The following CELF5 variants were observed in gnomAD, a reference collection of about 807,000 sequenced individuals.
CELF5 encodes CUG-BP and ETR-3 like factor 5.
Under a neutral mutation model 54.9 loss-of-function variants are expected in CELF5, and 6 were observed. The observed-to-expected ratio is 0.11, with a 90% confidence interval of 0.06 to 0.22. CELF5 has a LOEUF of 0.22. Among genes scored for constraint, CELF5 ranks in the 10% least tolerant of loss-of-function variants. The probability of loss-of-function intolerance (pLI) is 1.00; values close to 1 mark genes in which losing one functional copy is unlikely to be tolerated. For missense variants in CELF5, 401 were observed against 678.6 expected (o/e 0.59, Z 4.54); for synonymous variants, 271 against 290.9 (o/e 0.93, Z 0.70).
At chr19:3,293,573 T>G in intron 12 of CELF5, 87 bp downstream of exon 12, 4 of 1,088,598 alleles carry the variant, frequency 3.7e-6, no homozygotes, top group South Asian at 1.6e-5. Flanking sequence ...CTCCAAACCC[T>G]CCCCAGGTGG....
At chr19:3,235,789 AATGG>A (rs1278030051) in intron 1 of CELF5, among the ~76,000 whole-genome samples, 24 of 50,742 alleles carry the variant, frequency 4.7e-4, no homozygotes, top group East Asian at 1.8e-3. Flanking sequence ...TGGATGGATG[AATGG>A]ATGGATGGAT....
intron 10 of CELF5, among the ~76,000 whole-genome samples, chr19:3,287,091 CAA>C: frequency 6.6e-6 from 1 of 150,766 alleles, no homozygotes; most frequent in East Asian, 1.9e-4. Flanking sequence ...GGTAACAACC[CAA>C]GTGTTCATCA....
chr19:3,289,278 A>T (rs1048378707), intron 10 of CELF5, among the ~76,000 whole-genome samples: 1 of 152,060 alleles, frequency 6.6e-6, no homozygotes, highest in Non-Finnish European at 1.5e-5. Flanking sequence ...TTTTTTGGCT[A>T]GACGCAGTGG....
chr19:3,255,438 C>T (rs1449597186), intron 2 of CELF5, among the ~76,000 whole-genome samples: 1 of 152,010 alleles, frequency 6.6e-6, no homozygotes. Flanking sequence ...CCTGCCTCGG[C>T]CTCCCAAAGT....
intron 2 of CELF5, among the ~76,000 whole-genome samples, chr19:3,269,561 A>C (rs1019984824): frequency 6.6e-6 from 1 of 151,284 alleles, no homozygotes; most frequent in Non-Finnish European, 1.5e-5. Context: ...ACTGCAAGAC[A>C]CTCCTCCTGC....
rs201841077 is a variant in CELF5 at position 3,269,342 on chromosome 19, A to AT, written c.343-4523dup. Among the ~76,000 whole-genome samples, 1,209 of 151,970 alleles carry AT rather than the reference A, an allele frequency of 8.0e-3. 16 individuals carry two copies. The highest frequency in any genetic ancestry group is 0.028 in the African/African-American group (1,160 of 41,436). ...AGGCGTGCACTACCGCACCTAGCTA[A>AT]TTTTTTTGTATTTTTAGTAGAGTCA... On this transcript the variant is annotated intron_variant, in intron 2 of 12. Coordinates refer to ENST00000292672, the MANE Select transcript of CELF5 (RefSeq NM_021938.4).
chr19:3,276,175 G>A (rs2080047865), intron 4 of CELF5, among the ~76,000 whole-genome samples, 191 bp downstream of exon 4: 2 of 129,012 alleles, frequency 1.6e-5, no homozygotes, highest in South Asian at 5.8e-4. Context: ...GGAGAGGGGC[G>A]GAATTGCAGG....
At chr19:3,254,553 TCATCCACC>T (rs956951324) in intron 2 of CELF5, among the ~76,000 whole-genome samples, 1 of 149,842 alleles carries the variant, frequency 6.7e-6, no homozygotes, top group Non-Finnish European at 1.5e-5. Context: ...TTCTATCCAT[TCATCCACC>T]CATCCACCCA....
At chr19:3,250,375 G>A (rs1310984035) in intron 1 of CELF5, among the ~76,000 whole-genome samples, 1 of 152,134 alleles carries the variant, frequency 6.6e-6, no homozygotes, top group Admixed American at 6.5e-5. Context: ...TGTAGTCCCA[G>A]CTACTCGGGA....
At chr19:3,250,217 G>C (rs112131259) in intron 1 of CELF5, among the ~76,000 whole-genome samples, 43 of 152,270 alleles carry the variant, frequency 2.8e-4, no homozygotes, top group African/African-American at 1.0e-3. Flanking sequence ...GGCCGGGTGC[G>C]GTGGCTCACG....
intron 2 of CELF5, among the ~76,000 whole-genome samples, chr19:3,271,160 G>T (rs1439801931): frequency 6.6e-6 from 1 of 151,820 alleles, no homozygotes. Context: ...GTGCTGGGAG[G>T]GGGGAGGAGG....
At position 3,281,168 on chromosome 19, in the gene CELF5, T is replaced by C; in HGVS notation, c.604-31T>C. 1.3e-6 allele frequency: 2 copies of C among 1,593,442 alleles called. No individual in the cohort carries two copies. Among genetic ancestry groups the C allele is most frequent in the Non-Finnish European group, 1.7e-6 (2 of 1,172,426 alleles). ...AGAGTCCTGGCTACCTCCCAGCCCGTTTCCCTCCCTGCTCGCCGCTGCCCC... is the reference window on the plus strand; with the variant it reads ...AGAGTCCTGGCTACCTCCCAGCCCGCTTCCCTCCCTGCTCGCCGCTGCCCC... On this transcript the variant is annotated intron_variant, in intron 5 of 12. Coordinates refer to ENST00000292672, the MANE Select transcript of CELF5 (RefSeq NM_021938.4). The surrounding 1 kb of genome is among the most constrained non-coding windows in gnomAD (Gnocchi z 6.5).
intron 1 of CELF5, among the ~76,000 whole-genome samples, chr19:3,244,529 G>T (rs111211863): frequency 6.7e-6 from 1 of 148,652 alleles, no homozygotes; most frequent in Non-Finnish European, 1.5e-5. Context: ...TCTTGTCTGC[G>T]TGTGTGTGTA....
chr19:3,240,089 A>G (rs563620332), intron 1 of CELF5, among the ~76,000 whole-genome samples: 1 of 151,882 alleles, frequency 6.6e-6, no homozygotes, highest in African/African-American at 2.4e-5. Flanking sequence ...GCTCACTGCA[A>G]ACTTTACCTC....
At chr19:3,255,096 C>T (rs541030904) in intron 2 of CELF5, among the ~76,000 whole-genome samples, 2 of 152,206 alleles carry the variant, frequency 1.3e-5, no homozygotes, top group South Asian at 2.1e-4. Context: ...ATCATCAGTT[C>T]TGTGACTGGT....
At chr19:3,271,520 A>T (rs1489762733) in intron 2 of CELF5, among the ~76,000 whole-genome samples, 2 of 152,078 alleles carry the variant, frequency 1.3e-5, no homozygotes, top group Non-Finnish European at 2.9e-5. Flanking sequence ...GGGGCACAGG[A>T]TCAGGGAGGC....
At chr19:3,289,681 CAAAAAAAAAAAAAAAAAAAAAAA>C (rs35144942) in intron 10 of CELF5, among the ~76,000 whole-genome samples, 1 of 47,138 alleles carries the variant, frequency 2.1e-5, no homozygotes, top group African/African-American at 1.0e-4. Context: ...GACTCCATCT[CAAAAAAAAAAAAAAAAAAAAAAA>C]AAAAAAAAAA....
chr19:3,249,846 A>G (rs2079623658), intron 1 of CELF5, among the ~76,000 whole-genome samples: 1 of 152,118 alleles, frequency 6.6e-6, no homozygotes, highest in African/African-American at 2.4e-5. Context: ...TCCCTATCCC[A>G]GGGCCAGGCC....
chr19:3,258,594 T>A (rs2079764306), intron 2 of CELF5, among the ~76,000 whole-genome samples: 1 of 151,884 alleles, frequency 6.6e-6, no homozygotes, highest in Non-Finnish European at 1.5e-5. Context: ...GATTTGGGGA[T>A]ATATATATAT....
Sources: gnomAD v4.1 joint callset for allele counts (sites outside exome capture counted in the v4.1 genomes callset) on GRCh38, gnomAD v4.1.1 for gene constraint, Gnocchi (gnomAD v3.1) non-coding constraint, MANE v1.5 for transcripts, NCBI Gene and HGNC (gene_info 2026-07-23, HGNC 2026-07-21) for gene names.